UNC13C: variants seen among roughly 807,000 people sequenced by gnomAD.
The protein encoded by UNC13C is protein unc-13 homolog C.
UNC13C carries 174 observed loss-of-function variants against 245.4 expected under a neutral mutation model. The observed-to-expected ratio is 0.71, with a 90% confidence interval of 0.63 to 0.80. The LOEUF (loss-of-function observed/expected upper bound fraction) is 0.80, where lower values mean the gene tolerates loss of function less well. UNC13C is among the 30% of genes least tolerant of loss of function. UNC13C has a pLI of 0.00. For missense variants in UNC13C, 2,829 were observed against 2,602.9 expected (o/e 1.09, Z -1.89); for synonymous variants, 992 against 895.1 (o/e 1.11, Z -1.93).
At chr15:54,122,594 A>T (rs186629019) in intron 2 of UNC13C, among the ~76,000 whole-genome samples, 32 of 152,116 alleles carry the variant, frequency 2.1e-4, no homozygotes, top group African/African-American at 7.5e-4. Context: ...AGAAAAAAAA[A>T]TTAATCACCA....
At chr15:54,076,770 A>G (rs893614339) in intron 2 of UNC13C, among the ~76,000 whole-genome samples, 1 of 152,190 alleles carries the variant, frequency 6.6e-6, no homozygotes, top group Non-Finnish European at 1.5e-5. Context: ...TTTAGGTCAG[A>G]TCCCTGTGGG....
the UNC13C span, among the ~76,000 whole-genome samples, chr15:53,895,721 G>A: frequency 1.2e-4 from 19 of 152,184 alleles, no homozygotes; most frequent in South Asian, 8.3e-4. Context: ...GGATTTACTC[G>A]ACTTTGAATT....
At chr15:53,864,985 A>C in the UNC13C span, among the ~76,000 whole-genome samples, 1 of 152,198 alleles carries the variant, frequency 6.6e-6, no homozygotes, top group Non-Finnish European at 1.5e-5. Context: ...GCCTTGGACC[A>C]ACTACCAACC....
chr15:54,237,093 T>C (rs1383194351), intron 6 of UNC13C, among the ~76,000 whole-genome samples: 1 of 152,172 alleles, frequency 6.6e-6, no homozygotes, highest in Non-Finnish European at 1.5e-5. Context: ...AAAATGAATC[T>C]GGATATAACA....
chr15:54,326,853 A>T (rs1287511863), intron 14 of UNC13C, among the ~76,000 whole-genome samples: 1 of 152,078 alleles, frequency 6.6e-6, no homozygotes, highest in Non-Finnish European at 1.5e-5. Context: ...AGAACTGATC[A>T]GTAAATTTTC....
chr15:54,255,677 T>TG (rs35441632), intron 8 of UNC13C, among the ~76,000 whole-genome samples: 86,443 of 151,844 alleles, frequency 0.57, 26,428 homozygotes, highest in African/African-American at 0.8. Flanking sequence ...AGGCCAGGGT[T>TG]TCTTGGGAAA....
intron 4 of UNC13C, among the ~76,000 whole-genome samples, chr15:54,226,731 C>A (rs1567115210): frequency 6.6e-6 from 1 of 152,210 alleles, no homozygotes; most frequent in South Asian, 2.1e-4. Context: ...CTCCAGGCAC[C>A]AGCACACATG....
intron 4 of UNC13C, among the ~76,000 whole-genome samples, chr15:54,187,773 T>G (rs1567080715): frequency 6.6e-6 from 1 of 152,128 alleles, no homozygotes; most frequent in Non-Finnish European, 1.5e-5. Context: ...CACTAAATAA[T>G]AAGGCCTACC....
At chr15:54,111,025 A>G (rs537154896) in intron 2 of UNC13C, among the ~76,000 whole-genome samples, 2 of 152,246 alleles carry the variant, frequency 1.3e-5, no homozygotes, top group Admixed American at 1.3e-4. Context: ...TCCAACTGTT[A>G]GAGCAGGGCA....
At chr15:54,277,641 T>C (rs1037644873) in intron 10 of UNC13C, among the ~76,000 whole-genome samples, 2 of 152,216 alleles carry the variant, frequency 1.3e-5, no homozygotes, top group Non-Finnish European at 2.9e-5. Flanking sequence ...CTTTTTAATA[T>C]TGCTGCTACA....
intron 4 of UNC13C, among the ~76,000 whole-genome samples, chr15:54,221,581 T>G (rs898541566): frequency 6.6e-6 from 1 of 151,964 alleles, no homozygotes; most frequent in African/African-American, 2.4e-5. Context: ...TGTAAAAGTC[T>G]AACAGAATAA....
chr15:54,429,860 T>G (rs2040836769), intron 19 of UNC13C, among the ~76,000 whole-genome samples: 1 of 151,652 alleles, frequency 6.6e-6, no homozygotes. Context: ...AAAAGTAATA[T>G]AGTTGTGGAT....
At position 54,027,286 on chromosome 15, in the gene UNC13C, T is replaced by C. The variant is rs949527665; in HGVS notation, c.2983+11400T>C. 1.1e-4 allele frequency among the ~76,000 whole-genome samples: 17 copies of C among 152,190 alleles called. No individual in the cohort carries two copies. In the South Asian group the frequency reaches 2.7e-3, roughly 24 times the overall value. On this transcript the variant is annotated intron_variant, in intron 2 of 32. Coordinates refer to ENST00000260323, the MANE Select transcript of UNC13C (RefSeq NM_001080534.3). ...TTTTCGGAGATTTTATTTTTACTCC[T>C]AGACACTATGGAAAGCCATGGAAGA...
chr15:54,096,162 A>G (rs562323946), intron 2 of UNC13C, among the ~76,000 whole-genome samples: 8 of 152,234 alleles, frequency 5.3e-5, no homozygotes, highest in Admixed American at 1.3e-4. Flanking sequence ...TGGGGTGTGG[A>G]GTGATTCTCC....
chr15:54,083,275 G>A (rs12913407), intron 2 of UNC13C, among the ~76,000 whole-genome samples: 71,180 of 152,026 alleles, frequency 0.47, 18,658 homozygotes, highest in Non-Finnish European at 0.6. Flanking sequence ...CCCAGCTGCA[G>A]TGTGGCTGTG....
Position 54,168,697 on chromosome 15 carries a change from G to T in UNC13C, c.3071+25013G>T, listed in dbSNP as rs555468278. ...CACAACGCGTCTGTTAAATTCAACA[G>T]CGGTGTGAGGGTCAAAAAATTAAGA... On this transcript the variant is annotated intron_variant, in intron 4 of 32. Transcript: ENST00000260323. Among the ~76,000 whole-genome samples, 6 of 152,278 alleles carry T rather than the reference G, an allele frequency of 3.9e-5. No homozygotes were observed. In the East Asian group the frequency reaches 9.7e-4, roughly 25 times the overall value.
intron 24 of UNC13C, among the ~76,000 whole-genome samples, chr15:54,520,165 G>C (rs1895154511): frequency 6.6e-6 from 1 of 151,888 alleles, no homozygotes. Flanking sequence ...CAGTAGGCTA[G>C]AGGAGAAAAA....
At chr15:54,540,068 T>A (rs1317026372) in intron 26 of UNC13C, among the ~76,000 whole-genome samples, 1 of 152,108 alleles carries the variant, frequency 6.6e-6, no homozygotes, top group East Asian at 1.9e-4. Flanking sequence ...TCAGAATGCA[T>A]AACTTAAAAG....
intron 18 of UNC13C, among the ~76,000 whole-genome samples, chr15:54,404,920 A>G (rs1029730991): frequency 4.6e-5 from 7 of 152,180 alleles, no homozygotes; most frequent in Non-Finnish European, 8.8e-5. Flanking sequence ...TATTAACTTT[A>G]TTAACAAATT....
Sources: allele counts gnomAD v4.1 joint callset (sites outside exome capture counted in the v4.1 genomes callset), GRCh38; gene constraint gnomAD v4.1.1; transcripts MANE v1.5; gene names NCBI Gene and HGNC (gene_info 2026-07-23, HGNC 2026-07-21).